LHFPL6: variants seen among roughly 807,000 people sequenced by gnomAD.
The protein encoded by LHFPL6 is LHFPL tetraspan subfamily member 6, also known as LHFPL tetraspan subfamily member 6 protein.
Under a neutral mutation model 20.6 loss-of-function variants are expected in LHFPL6, and 9 were observed. That is an observed-to-expected ratio of 0.44 (90% CI 0.26 to 0.76). The LOEUF is 0.76. Among genes scored for constraint, LHFPL6 ranks in the 30% least tolerant of loss-of-function variants. The probability of loss-of-function intolerance (pLI) is 0.20; values close to 1 mark genes in which losing one functional copy is unlikely to be tolerated. For missense variants in LHFPL6, 218 were observed against 253.5 expected (o/e 0.86, Z 0.95); for synonymous variants, 105 against 98.7 (o/e 1.06, Z -0.38).
intron 2 of LHFPL6, among the ~76,000 whole-genome samples, chr13:39,556,618 T>A (rs140905591): frequency 8.6e-4 from 131 of 152,300 alleles, no homozygotes; most frequent in Admixed American, 1.6e-3. Context: ...TAACAGCTTA[T>A]AATCAGATAA....
At chr13:39,513,698 C>G (rs961769762) in intron 2 of LHFPL6, among the ~76,000 whole-genome samples, 1 of 152,124 alleles carries the variant, frequency 6.6e-6, no homozygotes, top group African/African-American at 2.4e-5. Context: ...GGTATTATTT[C>G]CTTTTTACAG....
chr13:39,513,197 A>T (rs1027517431), intron 2 of LHFPL6, among the ~76,000 whole-genome samples: 1 of 152,278 alleles, frequency 6.6e-6, no homozygotes, highest in African/African-American at 2.4e-5. Context: ...TCAAATAACT[A>T]GTTAGAAGAA....
chr13:39,361,640 G>A (rs1162918626), intron 3 of LHFPL6, among the ~76,000 whole-genome samples: 1 of 152,172 alleles, frequency 6.6e-6, no homozygotes, highest in Non-Finnish European at 1.5e-5. Flanking sequence ...GATTTTAAAT[G>A]TGCTTTTCAT....
At chr13:39,505,265 C>T (rs1869436801) in intron 2 of LHFPL6, among the ~76,000 whole-genome samples, 1 of 152,302 alleles carries the variant, frequency 6.6e-6, no homozygotes, top group Non-Finnish European at 1.5e-5. Flanking sequence ...GCTATTTCCA[C>T]ATTCTAGAGA....
rs143366411 is a variant in LHFPL6 at position 39,523,875 on chromosome 13, C to T, written c.385+76957G>A. 2.8e-3 allele frequency among the ~76,000 whole-genome samples: 422 copies of T among 152,054 alleles called. 2 individuals are homozygous for T. The highest frequency in any genetic ancestry group is 5.2e-3 in the Admixed American group (80 of 15,268). ...ACGGAAAAGAGGTTAATTGCATAGA[C>T]GTTAAGAGCTAAAGAAAGATTCCAT... On this transcript the variant is annotated intron_variant, in intron 2 of 3. Transcript: ENST00000379589.
intron 3 of LHFPL6, among the ~76,000 whole-genome samples, chr13:39,376,270 A>G (rs1401651488): frequency 2.0e-5 from 3 of 152,176 alleles, no homozygotes; most frequent in Non-Finnish European, 4.4e-5. Flanking sequence ...AATGCCAAGC[A>G]CTGTATTAAA....
intron 2 of LHFPL6, among the ~76,000 whole-genome samples, chr13:39,460,277 T>C (rs1872660565): frequency 6.6e-6 from 1 of 152,222 alleles, no homozygotes; most frequent in African/African-American, 2.4e-5. Flanking sequence ...AATGGTTTAT[T>C]ACCTAAAGTA....
At chr13:39,487,505 T>C (rs1868765787) in intron 2 of LHFPL6, among the ~76,000 whole-genome samples, 4 of 152,192 alleles carry the variant, frequency 2.6e-5, no homozygotes. Context: ...ATAATAGGGC[T>C]CAGCATCTAT....
chr13:39,466,754 TGCACTTCATCG>T (rs1407850867), intron 2 of LHFPL6, among the ~76,000 whole-genome samples: 1 of 152,254 alleles, frequency 6.6e-6, no homozygotes, highest in African/African-American at 2.4e-5. Flanking sequence ...TAGAAGACTT[TGCACTTCATCG>T]GCAAACACCT....
At chr13:39,443,306 C>T (rs549054513) in intron 2 of LHFPL6, among the ~76,000 whole-genome samples, 1 of 152,144 alleles carries the variant, frequency 6.6e-6, no homozygotes, top group African/African-American at 2.4e-5. Flanking sequence ...AAGATGCAGT[C>T]CCTCAGTCTT....
intron 2 of LHFPL6, among the ~76,000 whole-genome samples, chr13:39,386,550 A>G (rs948067271): frequency 1.3e-5 from 2 of 152,122 alleles, no homozygotes; most frequent in Non-Finnish European, 2.9e-5. Flanking sequence ...CATGATCTCA[A>G]TGCTTGGACA....
chr13:39,569,149 G>GGATGGACGGACGGACGGACA (rs1448788533), intron 2 of LHFPL6, among the ~76,000 whole-genome samples: 4 of 14,062 alleles, frequency 2.8e-4, no homozygotes, highest in Non-Finnish European at 7.0e-4. Context: ...ATGGATGGAT[G>GGATGGACGGACGGACGGACA]GACGGACGGA....
chr13:39,417,256 C>T (rs532341564), intron 2 of LHFPL6, among the ~76,000 whole-genome samples: 57 of 152,292 alleles, frequency 3.7e-4, no homozygotes, highest in African/African-American at 1.4e-3. Context: ...TGTTGGTTAA[C>T]AGACATGTTG....
rs75795431 is a variant in LHFPL6 at position 39,458,319 on chromosome 13, G to A, written c.386-79793C>T. On this transcript the variant is annotated intron_variant, in intron 2 of 3. Transcript: ENST00000379589. ...AGTACAGGCTAAGAAAAGAGGTTACGGGAAAAACAGGGGAAGAACTGAGCA... is the reference window on the plus strand; with the variant it reads ...AGTACAGGCTAAGAAAAGAGGTTACAGGAAAAACAGGGGAAGAACTGAGCA... 5.7e-3 allele frequency among the ~76,000 whole-genome samples: 865 copies of A among 152,152 alleles called. 2 individuals are homozygous for A. Among genetic ancestry groups the A allele is most frequent in the Middle Eastern group, 0.01 (3 of 294 alleles).
At chr13:39,472,822 G>C (rs1412048730) in intron 2 of LHFPL6, among the ~76,000 whole-genome samples, 1 of 152,074 alleles carries the variant, frequency 6.6e-6, no homozygotes, top group East Asian at 1.9e-4. Flanking sequence ...GGTTGGCCAG[G>C]CTAGTCTCGA....
chr13:39,355,618 C>G (rs142819451), intron 3 of LHFPL6, among the ~76,000 whole-genome samples: 1 of 152,246 alleles, frequency 6.6e-6, no homozygotes, highest in East Asian at 1.9e-4. Flanking sequence ...TAAGACCCAG[C>G]CATCTGCTGT....
At chr13:39,415,159 C>T (rs1271128802) in intron 2 of LHFPL6, among the ~76,000 whole-genome samples, 8 of 152,220 alleles carry the variant, frequency 5.3e-5, no homozygotes, top group Middle Eastern at 6.8e-3. Context: ...CAACCTAAGA[C>T]GGAAACATCT....
intron 2 of LHFPL6, among the ~76,000 whole-genome samples, chr13:39,521,631 A>C (rs1378408908): frequency 6.6e-6 from 1 of 151,884 alleles, no homozygotes; most frequent in Non-Finnish European, 1.5e-5. Flanking sequence ...GTGTGTGTTT[A>C]TTAACCACAC....
chr13:39,572,397 G>T (rs1871952205), intron 2 of LHFPL6, among the ~76,000 whole-genome samples: 2 of 151,342 alleles, frequency 1.3e-5, no homozygotes, highest in South Asian at 4.2e-4. Context: ...CAAATGCAGG[G>T]CCCAGACATA....
Sources: allele counts gnomAD v4.1 joint callset (sites outside exome capture counted in the v4.1 genomes callset), GRCh38; gene constraint gnomAD v4.1.1; transcripts MANE v1.5; gene names NCBI Gene and HGNC (gene_info 2026-07-23, HGNC 2026-07-21).